WDFY4: variants seen among roughly 807,000 people sequenced by gnomAD.
The protein encoded by WDFY4 is WDFY family member 4.
In WDFY4, 169 loss-of-function variants were observed where a neutral mutation model predicts 351.9. That is an observed-to-expected ratio of 0.48 (90% CI 0.42 to 0.55). The LOEUF is 0.55. WDFY4 is among the 20% of genes least tolerant of loss of function. WDFY4 has a pLI of 0.00. For missense variants in WDFY4, 3,803 were observed against 3,935.6 expected (o/e 0.97, Z 0.90); for synonymous variants, 1,622 against 1,574.6 (o/e 1.03, Z -0.71).
chr10:48,832,820 TTGTGAGCATTTGAGGGTATGCATG>T, intron 39 of WDFY4, 111 bp downstream of exon 39: 1 of 1,346,236 alleles, frequency 7.4e-7, no homozygotes, highest in Non-Finnish European at 9.7e-7. Flanking sequence ...CTCCACGTCC[TTGTGAGCATTTGAGGGTATGCATG>T]TAGCTCCCCA....
intron 19 of WDFY4, 111 bp downstream of exon 19, chr10:48,780,230 A>G: frequency 7.4e-7 from 1 of 1,345,558 alleles, no homozygotes; most frequent in Non-Finnish European, 1.0e-6. Flanking sequence ...TTGTTTGTTT[A>G]TTACTGGTAG....
rs1028660173 is a variant in WDFY4 at position 48,867,558 on chromosome 10, T to C, written c.6741+216T>C. On this transcript the variant is annotated intron_variant, in intron 40 of 61. Coordinates refer to ENST00000325239, the MANE Select transcript of WDFY4 (RefSeq NM_001394531.1). ...CTATCTAGGCCTGACTGCTGTACAATCTAGGCAAAGAACACTGGCTCTCAT... is the reference window on the plus strand; with the variant it reads ...CTATCTAGGCCTGACTGCTGTACAACCTAGGCAAAGAACACTGGCTCTCAT... 4.6e-5 allele frequency among the ~76,000 whole-genome samples: 7 copies of C among 152,224 alleles called. No individual in the cohort carries two copies. In the East Asian group the frequency reaches 1.3e-3, roughly 29 times the overall value.
At chr10:48,969,471 C>T (rs1306833346) in intron 56 of WDFY4, among the ~76,000 whole-genome samples, 1 of 152,212 alleles carries the variant, frequency 6.6e-6, no homozygotes, top group Admixed American at 6.5e-5. Flanking sequence ...GCAGTGTATA[C>T]TGTCACCTCC....
chr10:48,695,711 A>G (rs559660061), intron 1 of WDFY4, among the ~76,000 whole-genome samples: 2 of 152,200 alleles, frequency 1.3e-5, no homozygotes, highest in African/African-American at 4.8e-5. Context: ...CCACCTTTCC[A>G]CAGGGACTGG....
At chr10:48,923,285 A>G (rs10745287) in intron 47 of WDFY4, among the ~76,000 whole-genome samples, 96,040 of 151,210 alleles carry the variant, frequency 0.64, 31,225 homozygotes, top group East Asian at 1. Flanking sequence ...CAGGGAACAG[A>G]TGTTCGCAAG....
intron 2 of WDFY4, among the ~76,000 whole-genome samples, chr10:48,713,038 T>C (rs1233516422): frequency 6.6e-6 from 1 of 152,226 alleles, no homozygotes; most frequent in Non-Finnish European, 1.5e-5. Context: ...ATTTGGAATA[T>C]TCTTTGTTCC....
chr10:48,732,922 G>A (rs1565141302), intron 9 of WDFY4, among the ~76,000 whole-genome samples: 3 of 152,224 alleles, frequency 2.0e-5, no homozygotes, highest in African/African-American at 7.2e-5. Flanking sequence ...CCAAGGGATG[G>A]TTTTTGTGTC....
intron 43 of WDFY4, among the ~76,000 whole-genome samples, chr10:48,881,090 A>G (rs2070229182): frequency 6.6e-6 from 1 of 152,228 alleles, no homozygotes; most frequent in East Asian, 1.9e-4. Context: ...AAAGATTGAC[A>G]TGGGGCTGTG....
chr10:48,854,555 G>A (rs1184193022), intron 39 of WDFY4, among the ~76,000 whole-genome samples: 1 of 152,094 alleles, frequency 6.6e-6, no homozygotes, highest in Non-Finnish European at 1.5e-5. Flanking sequence ...CAATAGACAA[G>A]AGAGGTCCTA....
chr10:48,877,875 A>G (rs978557648), intron 43 of WDFY4: 1 of 152,278 alleles, frequency 6.6e-6, no homozygotes, highest in East Asian at 1.9e-4. Context: ...CCAGAGAAGG[A>G]CCCCTCTTCC....
chr10:48,719,572 A>T (rs996037473), intron 2 of WDFY4, among the ~76,000 whole-genome samples: 5 of 152,358 alleles, frequency 3.3e-5, no homozygotes, highest in South Asian at 4.1e-4. Flanking sequence ...AAATAATCAA[A>T]TGACTAAAAC....
At chr10:48,706,741 A>T (rs2063640546) in intron 1 of WDFY4, among the ~76,000 whole-genome samples, 1 of 152,164 alleles carries the variant, frequency 6.6e-6, no homozygotes, top group Non-Finnish European at 1.5e-5. Flanking sequence ...ATGGATTAGG[A>T]TTTGTTATTT....
intron 19 of WDFY4, 147 bp from the exon 20 acceptor site, chr10:48,786,492 G>T (rs184867385): frequency 2.7e-5 from 17 of 628,428 alleles, no homozygotes; most frequent in Non-Finnish European, 4.4e-5. Context: ...ATACTTCTGA[G>T]ATTTGAGAAT....
In WDFY4 at chr10:48,876,914, T is replaced by A. The variant is rs1302108926; in HGVS notation, c.7001-119T>A. On this transcript the variant is annotated intron_variant, in intron 42 of 61. Coordinates refer to ENST00000325239, the MANE Select transcript of WDFY4 (RefSeq NM_001394531.1). ...GAGGGGCACAGTGAGAGATCCACGC[T>A]CTTCACTTCGGCCCTGGAGCCTTGC... 7.9e-6 allele frequency: 8 copies of A among 1,018,864 alleles called. No individual in the cohort carries two copies. The South Asian group carries it at 1.7e-4, about 22-fold the overall frequency. 63.1% of individuals were successfully genotyped at this position (1,018,864 alleles called of 1,614,324 possible).
chr10:48,959,908 C>A, intron 53 of WDFY4, 95 bp downstream of exon 53: 3 of 1,118,854 alleles, frequency 2.7e-6, no homozygotes, highest in Non-Finnish European at 2.6e-6. Context: ...GGCCAGTGAC[C>A]AGCACTGTGA....
At chr10:48,809,581 C>T (rs2067381076) in intron 28 of WDFY4, among the ~76,000 whole-genome samples, 1 of 151,918 alleles carries the variant, frequency 6.6e-6, no homozygotes, top group Admixed American at 6.6e-5. Flanking sequence ...TCAACATCAC[C>T]ACCACCATCA....
At chr10:48,729,175 T>C (rs1392623656) in intron 7 of WDFY4, among the ~76,000 whole-genome samples, 1 of 152,258 alleles carries the variant, frequency 6.6e-6, no homozygotes, top group African/African-American at 2.4e-5. Flanking sequence ...GGTTCAGTCA[T>C]GGAAAGTGAC....
At chr10:48,737,864 A>G (rs934078387) in intron 11 of WDFY4, among the ~76,000 whole-genome samples, 6 of 152,328 alleles carry the variant, frequency 3.9e-5, no homozygotes, top group African/African-American at 1.2e-4. Flanking sequence ...ATGTGGTCCA[A>G]TCTCTTAATG....
intron 3 of WDFY4, 138 bp downstream of exon 3, chr10:48,720,263 G>T: frequency 1.2e-6 from 1 of 843,186 alleles, no homozygotes; most frequent in Non-Finnish European, 1.8e-6. Flanking sequence ...GCCCCACTCT[G>T]CCACTGAGTG....
Sources: allele counts gnomAD v4.1 joint callset (sites outside exome capture counted in the v4.1 genomes callset), GRCh38; gene constraint gnomAD v4.1.1; transcripts MANE v1.5; gene names NCBI Gene and HGNC (gene_info 2026-07-23, HGNC 2026-07-21).